The following PCDH15 variants were observed in gnomAD, a reference collection of about 807,000 sequenced individuals.
PCDH15 encodes protocadherin related 15.
PCDH15 carries 129 observed loss-of-function variants against 178.5 expected under a neutral mutation model. The ratio of observed to expected loss-of-function variants is 0.72; its 90% CI spans 0.63 to 0.84. PCDH15 has a LOEUF of 0.84. Among genes scored for constraint, PCDH15 ranks in the 40% least tolerant of loss-of-function variants. The probability of loss-of-function intolerance (pLI) is 0.00; values close to 1 mark genes in which losing one functional copy is unlikely to be tolerated. For missense variants in PCDH15, 2,230 were observed against 2,099.9 expected (o/e 1.06, Z -1.21); for synonymous variants, 800 against 732.0 (o/e 1.09, Z -1.50).
intron 3 of PCDH15, among the ~76,000 whole-genome samples, chr10:54,390,209 A>G (rs1950378714): frequency 6.6e-6 from 1 of 152,170 alleles, no homozygotes; most frequent in Admixed American, 6.5e-5. Flanking sequence ...TTTGTTGTCC[A>G]TTGTCTAACG....
chr10:54,141,583 T>C (rs934411631), intron 14 of PCDH15, among the ~76,000 whole-genome samples: 6 of 152,280 alleles, frequency 3.9e-5, no homozygotes, highest in African/African-American at 1.2e-4. Context: ...ACTGGGCTGT[T>C]TTTTTAAGAA....
chr10:54,741,644 T>C (rs1944819746), intron 1 of PCDH15, among the ~76,000 whole-genome samples: 1 of 152,046 alleles, frequency 6.6e-6, no homozygotes, highest in South Asian at 2.1e-4. Context: ...GTTTTATCTG[T>C]AGGCTTGAGG....
At chr10:55,228,458 T>A (rs549863285) in intron 1 of PCDH15, among the ~76,000 whole-genome samples, 1 of 152,164 alleles carries the variant, frequency 6.6e-6, no homozygotes, top group East Asian at 1.9e-4. Flanking sequence ...TTTAAAAAAA[T>A]GTACATGTAT....
At chr10:55,518,750 A>T (rs1367921629) in intron 2 of PCDH15, among the ~76,000 whole-genome samples, 1 of 151,916 alleles carries the variant, frequency 6.6e-6, no homozygotes, top group Admixed American at 6.6e-5. Context: ...ACAAAGAGAC[A>T]CAGAAGCAGT....
rs562966079 is a variant in PCDH15, at chr10:54,020,537, G to GT, written c.2527-122dup. Reference sequence around the variant, plus strand: ...CAATTTAACGAGGACAAAAAGACACGTTTTTTGTTTTTGTTTTTTAAAAAA... The same window carrying GT: ...CAATTTAACGAGGACAAAAAGACACGTTTTTTTGTTTTTGTTTTTTAAAAAA... On this transcript the variant is annotated intron_variant, in intron 19 of 37. Coordinates refer to ENST00000644397, the MANE Select transcript of PCDH15 (RefSeq NM_001384140.1). 3.6e-4 allele frequency: 357 copies of GT among 984,116 alleles called. No individual in the cohort carries two copies. In the African/African-American group the frequency reaches 4.9e-3, roughly 14 times the overall value. The allele number at this position is 984,116 out of a possible 1,614,324, so 61.0% of individuals were successfully genotyped here.
At chr10:54,388,257 C>T (rs1411935224) in intron 3 of PCDH15, among the ~76,000 whole-genome samples, 4 of 152,200 alleles carry the variant, frequency 2.6e-5, no homozygotes, top group Admixed American at 1.3e-4. Context: ...AGAGGACAAT[C>T]TGAGCTTCCA....
intron 3 of PCDH15, among the ~76,000 whole-genome samples, chr10:54,860,539 T>C (rs1158014477): frequency 6.6e-6 from 1 of 152,186 alleles, no homozygotes; most frequent in East Asian, 1.9e-4. Flanking sequence ...CATTTTCTTT[T>C]TCCAATCCAC....
rs1033234082 is a variant in PCDH15 at position 54,107,803 on chromosome 10, G to A, written c.1918-17740C>T. Among the ~76,000 whole-genome samples, 7 of 152,206 alleles carry A rather than the reference G, an allele frequency of 4.6e-5. No individual in the cohort carries two copies. The East Asian group carries it at 1.4e-3, about 29-fold the overall frequency. ...GAAAGTAAACGGTGTCAAAACCTTG[G>A]AAAAGGGTTGCCACAGCAGCCTGGC... On this transcript the variant is annotated intron_variant, in intron 15 of 37. Coordinates refer to ENST00000644397, the MANE Select transcript of PCDH15 (RefSeq NM_001384140.1).
chr10:54,787,711 C>G (rs1951021740), intron 1 of PCDH15, among the ~76,000 whole-genome samples: 1 of 151,886 alleles, frequency 6.6e-6, no homozygotes, highest in South Asian at 2.1e-4. Flanking sequence ...CCTCAGGGCT[C>G]AAAGCTGCTG....
intron 26 of PCDH15, among the ~76,000 whole-genome samples, chr10:53,901,538 T>C (rs1053508427): frequency 6.6e-6 from 1 of 152,154 alleles, no homozygotes; most frequent in African/African-American, 2.4e-5. Flanking sequence ...GTGTTACCCA[T>C]TCCCAACATC....
intron 2 of PCDH15, among the ~76,000 whole-genome samples, chr10:55,004,897 GA>G (rs1839886948): frequency 6.6e-6 from 1 of 151,874 alleles, no homozygotes; most frequent in African/African-American, 2.4e-5. Flanking sequence ...ATTAAAACTA[GA>G]AAAAAAGTGG....
At chr10:55,610,876 C>T (rs1843352218) in intron 2 of PCDH15, among the ~76,000 whole-genome samples, 1 of 151,962 alleles carries the variant, frequency 6.6e-6, no homozygotes, top group Non-Finnish European at 1.5e-5. Flanking sequence ...GTCTAAGGCA[C>T]CTAAACTCAA....
At chr10:55,544,602 T>C (rs1424935404) in intron 2 of PCDH15, among the ~76,000 whole-genome samples, 1 of 152,152 alleles carries the variant, frequency 6.6e-6, no homozygotes, top group Non-Finnish European at 1.5e-5. Context: ...ATTTTGTATA[T>C]GATGGTGTCG....
At chr10:53,900,218 TC>T (rs1344059030) in intron 26 of PCDH15, among the ~76,000 whole-genome samples, 1 of 151,598 alleles carries the variant, frequency 6.6e-6, no homozygotes, top group African/African-American at 2.4e-5. Context: ...TTTCTCTCTC[TC>T]TCTCTCTCTC....
rs574249718 is a variant in PCDH15 at position 54,097,734 on chromosome 10, C to T, written c.1918-7671G>A. ...GCAAAGTTATAAGCCTTAATGATTA[C>T]ATTATAATGAGAAAAATGAATGAAA... On this transcript the variant is annotated intron_variant, in intron 15 of 37. Coordinates refer to ENST00000644397, the MANE Select transcript of PCDH15 (RefSeq NM_001384140.1). 2.6e-5 allele frequency among the ~76,000 whole-genome samples: 4 copies of T among 152,114 alleles called. No individual in the cohort carries two copies. The East Asian group carries it at 5.8e-4, about 22-fold the overall frequency.
chr10:54,250,365 C>T (rs189166114), intron 8 of PCDH15, among the ~76,000 whole-genome samples: 2,048 of 147,938 alleles, frequency 0.014, 53 homozygotes, highest in African/African-American at 0.048. Context: ...TCACTGCAAG[C>T]TCTGCCTCCC....
intron 1 of PCDH15, among the ~76,000 whole-genome samples, chr10:55,194,867 CT>C (rs1840041672): frequency 6.6e-6 from 1 of 151,854 alleles, no homozygotes; most frequent in African/African-American, 2.4e-5. Context: ...TCCTAATAGC[CT>C]TTGTCTCACC....
intron 2 of PCDH15, among the ~76,000 whole-genome samples, chr10:54,960,703 A>C (rs2131883688): frequency 6.6e-6 from 1 of 152,340 alleles, no homozygotes; most frequent in South Asian, 2.1e-4. Flanking sequence ...AATATGGTTG[A>C]AATTTGTACC....
chr10:54,615,840 C>T (rs1482233449), intron 2 of PCDH15, among the ~76,000 whole-genome samples: 1 of 151,974 alleles, frequency 6.6e-6, no homozygotes, highest in Non-Finnish European at 1.5e-5. Flanking sequence ...GGTATAGAAA[C>T]ATAAATACAG....
Sources: gnomAD v4.1 joint callset for allele counts (sites outside exome capture counted in the v4.1 genomes callset) on GRCh38, gnomAD v4.1.1 for gene constraint, MANE v1.5 for transcripts, NCBI Gene and HGNC (gene_info 2026-07-23, HGNC 2026-07-21) for gene names.